NKAIN3: variants seen among roughly 807,000 people sequenced by gnomAD.
NKAIN3 encodes sodium/potassium transporting ATPase interacting 3, also known as sodium/potassium-transporting ATPase subunit beta-1-interacting protein 3.
A neutral mutation model predicts 30.2 loss-of-function variants in NKAIN3; 25 were observed. The ratio of observed to expected loss-of-function variants is 0.83; its 90% CI spans 0.60 to 1.16. The LOEUF is 1.16. Among genes scored for constraint, NKAIN3 ranks in the 50% most tolerant of loss-of-function variants. The pLI is 0.00. For synonymous variants in NKAIN3, 91 were observed against 89.6 expected (o/e 1.02, Z -0.09); for missense variants, 225 against 254.1 (o/e 0.89, Z 0.78).
intron 1 of NKAIN3, among the ~76,000 whole-genome samples, chr8:62,475,385 G>A (rs761266853): frequency 4.0e-4 from 61 of 152,118 alleles, no homozygotes; most frequent in Non-Finnish European, 7.5e-4. Context: ...TGCTCTTCGT[G>A]GGCCCTTCTG....
chr8:62,820,955 C>T (rs1183842217), intron 4 of NKAIN3, among the ~76,000 whole-genome samples: 1 of 152,030 alleles, frequency 6.6e-6, no homozygotes, highest in Non-Finnish European at 1.5e-5. Flanking sequence ...TATATTCTCC[C>T]AAACTTATCA....
chr8:62,739,612 A>G (rs1004604475), intron 3 of NKAIN3, among the ~76,000 whole-genome samples: 4 of 152,144 alleles, frequency 2.6e-5, no homozygotes, highest in Non-Finnish European at 4.4e-5. Context: ...AGCATTTTCC[A>G]TGAACTTTTT....
At chr8:62,798,624 A>G (rs1275830611) in intron 4 of NKAIN3, among the ~76,000 whole-genome samples, 1 of 152,090 alleles carries the variant, frequency 6.6e-6, no homozygotes, top group Non-Finnish European at 1.5e-5. Context: ...AATTATGCCT[A>G]ATAGTTCAAA....
intron 5 of NKAIN3, among the ~76,000 whole-genome samples, chr8:62,933,580 T>C (rs1433110557): frequency 6.6e-6 from 1 of 152,216 alleles, no homozygotes; most frequent in African/African-American, 2.4e-5. Flanking sequence ...CATTCTATTC[T>C]GCTTCATTGA....
chr8:62,474,369 G>T (rs1428505083), intron 1 of NKAIN3: 1 of 152,178 alleles, frequency 6.6e-6, no homozygotes, highest in Admixed American at 6.6e-5. Context: ...AGTCTTTGTT[G>T]TGTCCAAAAG....
chr8:62,401,075 C>T (rs1803852657), intron 1 of NKAIN3, among the ~76,000 whole-genome samples: 1 of 149,070 alleles, frequency 6.7e-6, no homozygotes, highest in Non-Finnish European at 1.5e-5. Context: ...TAGATTTTCC[C>T]TTTTGAAGCT....
chr8:62,730,984 G>A (rs1055044926), intron 3 of NKAIN3, among the ~76,000 whole-genome samples: 3 of 152,088 alleles, frequency 2.0e-5, no homozygotes, highest in Non-Finnish European at 4.4e-5. Flanking sequence ...CAATGATAGA[G>A]CCTTCAGAGT....
chr8:62,850,062 G>C (rs1819839200), intron 4 of NKAIN3, among the ~76,000 whole-genome samples: 3 of 152,172 alleles, frequency 2.0e-5, no homozygotes, highest in Admixed American at 2.0e-4. Flanking sequence ...CTAGTTTACA[G>C]TCTCACCAAC....
intron 4 of NKAIN3, among the ~76,000 whole-genome samples, chr8:62,824,472 G>GA (rs1483375740): frequency 1.3e-5 from 2 of 149,614 alleles, no homozygotes; most frequent in Non-Finnish European, 3.0e-5. Flanking sequence ...AGTCTAAGCG[G>GA]AAAAAATACC....
At chr8:62,550,876 A>G (rs993536582) in intron 1 of NKAIN3, among the ~76,000 whole-genome samples, 16 of 152,258 alleles carry the variant, frequency 1.1e-4, no homozygotes, top group Non-Finnish European at 1.9e-4. Context: ...TCTAAATCCC[A>G]ACTCTGGTGT....
At chr8:62,578,386 A>C (rs1230379363) in intron 1 of NKAIN3, among the ~76,000 whole-genome samples, 1 of 152,134 alleles carries the variant, frequency 6.6e-6, no homozygotes, top group African/African-American at 2.4e-5. Context: ...TGACCTCATA[A>C]TTTCTGTCTG....
At chr8:62,753,239 C>T (rs1235662304) in intron 4 of NKAIN3, among the ~76,000 whole-genome samples, 1 of 151,476 alleles carries the variant, frequency 6.6e-6, no homozygotes, top group Non-Finnish European at 1.5e-5. Context: ...CACACGCACG[C>T]ACGCACAGTA....
chr8:62,751,392 G>A (rs1816279350), intron 4 of NKAIN3, among the ~76,000 whole-genome samples: 1 of 152,128 alleles, frequency 6.6e-6, no homozygotes, highest in East Asian at 1.9e-4. Context: ...GGCCCCATAT[G>A]CCTGGTTCTC....
rs141140674 is a variant in NKAIN3, at chr8:62,692,045, G to A, written c.274-54887G>A. Among the ~76,000 whole-genome samples the A allele has an allele frequency of 1.3e-3, 194 of 152,116 alleles. 5 individuals are homozygous for A. In the East Asian group the frequency reaches 0.035, roughly 27 times the overall value. ...GCCTATAATGATCTTGGCTTTTCTC[G>A]GCATAATCTTCCAGCAGGCCATCCT... On this transcript the variant is annotated intron_variant, in intron 3 of 6. Coordinates refer to ENST00000623646, the MANE Select transcript of NKAIN3 (RefSeq NM_001304533.3).
intron 1 of NKAIN3, among the ~76,000 whole-genome samples, chr8:62,284,308 T>C (rs976444015): frequency 2.6e-5 from 4 of 152,104 alleles, no homozygotes; most frequent in Non-Finnish European, 4.4e-5. Flanking sequence ...CCACTTTTTT[T>C]GGTGCTGTCC....
chr8:62,257,009 A>G (rs2129388185), intron 1 of NKAIN3, among the ~76,000 whole-genome samples: 1 of 152,298 alleles, frequency 6.6e-6, no homozygotes, highest in Admixed American at 6.5e-5. Flanking sequence ...TTATGAGGTA[A>G]TTTGATGTTT....
rs146781123 is a variant in NKAIN3, at chr8:62,972,767, C to T, written c.*7360C>T. Among the ~76,000 whole-genome samples the T allele has an allele frequency of 0.017, 2,613 of 152,154 alleles. 78 individuals are homozygous for T. Among genetic ancestry groups the T allele is most frequent in the African/African-American group, 0.06 (2,490 of 41,470 alleles). On this transcript the variant is annotated 3_prime_UTR_variant, in exon 7 of 7. Transcript: ENST00000623646. ...GGTATACATGTGCCATGGTGGTTTG[C>T]TGCACCCATCAATTCATCATCTACA...
chr8:62,402,544 T>C (rs922198850), intron 1 of NKAIN3, among the ~76,000 whole-genome samples: 2 of 121,650 alleles, frequency 1.6e-5, no homozygotes, highest in East Asian at 5.0e-4. Flanking sequence ...CTCATGATAG[T>C]GAGTAAGTTC....
At position 62,855,717 on chromosome 8, in the gene NKAIN3, C is replaced by T. The variant is rs372650177; in HGVS notation, c.472-62736C>T. The stretch of plus-strand genomic sequence containing the variant: ...CTGCATGTGAAGCGGAGCTTCTGAA[C>T]GATAGCCTTCATCTTGTCCACCTGC... On this transcript the variant is annotated intron_variant, in intron 4 of 6. Transcript: ENST00000623646. 7.1e-5 allele frequency: 111 copies of T among 1,555,254 alleles called. No individual in the cohort carries two copies. In the African/African-American group the frequency reaches 8.8e-4, roughly 12 times the overall value.
Sources: gnomAD v4.1 joint callset for allele counts (sites outside exome capture counted in the v4.1 genomes callset) on GRCh38, gnomAD v4.1.1 for gene constraint, MANE v1.5 for transcripts, NCBI Gene and HGNC (gene_info 2026-07-23, HGNC 2026-07-21) for gene names.